The following ZNF638 variants were observed in gnomAD, a reference collection of about 807,000 sequenced individuals.
The protein encoded by ZNF638 is zinc finger protein 638, also known as CTCL tumor antigen se33-1.
In ZNF638, 46 loss-of-function variants were observed where a neutral mutation model predicts 195.6. That is an observed-to-expected ratio of 0.24 (90% CI 0.19 to 0.30). The LOEUF is 0.30. Ranked by LOEUF, ZNF638 falls within the 10% of genes least tolerant of loss-of-function variation. The pLI, the probability that ZNF638 is intolerant of heterozygous loss-of-function variation, is 1.00. For synonymous variants in ZNF638, 845 were observed against 772.0 expected, an observed-to-expected ratio of 1.09 and a Z score of -1.57; for missense variants, 2,440 against 2,325.3, an observed-to-expected ratio of 1.05 and a Z score of -1.01.
chr2:71,356,793 A>ATT (rs1444537433), intron 3 of ZNF638, among the ~76,000 whole-genome samples: 3 of 151,408 alleles, frequency 2.0e-5, no homozygotes, highest in Non-Finnish European at 4.4e-5. Context: ...AAAAAAAAAA[A>ATT]ATTTTTTTTT....
chr2:71,380,591 TC>T (rs759863275), intron 10 of ZNF638, 26 bp downstream of exon 10: 2 of 1,567,774 alleles, frequency 1.3e-6, no homozygotes, highest in Non-Finnish European at 1.7e-6. Flanking sequence ...TAATATTCTT[TC>T]AAATGAGTGT....
chr2:71,411,012 T>TTTTTG (rs1431976503), intron 20 of ZNF638, among the ~76,000 whole-genome samples: 3 of 133,454 alleles, frequency 2.2e-5, no homozygotes, highest in South Asian at 3.0e-4. Context: ...TTTTTTTTTT[T>TTTTTG]GTCGAGATGG....
At chr2:71,419,239 CCTT>C (rs2080369758) in intron 21 of ZNF638, among the ~76,000 whole-genome samples, 2 of 152,186 alleles carry the variant, frequency 1.3e-5, no homozygotes, top group African/African-American at 4.8e-5. Context: ...TGGATATCCT[CCTT>C]ATCACCACCC....
At chr2:71,414,181 A>G (rs2080271496) in intron 20 of ZNF638, among the ~76,000 whole-genome samples, 1 of 106,796 alleles carries the variant, frequency 9.4e-6, no homozygotes, top group Non-Finnish European at 1.8e-5. Context: ...TCAGAGATTC[A>G]ACTTCTTCCT....
intron 1 of ZNF638, among the ~76,000 whole-genome samples, chr2:71,344,078 C>G (rs1490370702): frequency 6.6e-6 from 1 of 152,154 alleles, no homozygotes; most frequent in Non-Finnish European, 1.5e-5. Context: ...TGCAGTGAGC[C>G]AAGATCACGC....
At chr2:71,388,422 C>A in intron 10 of ZNF638, 1 of 679,228 alleles carries the variant, frequency 1.5e-6, no homozygotes, top group Non-Finnish European at 2.7e-6. Flanking sequence ...GGACTGCTCC[C>A]TACAGGCGGG....
At chr2:71,400,696 C>T (rs2079988979) in intron 15 of ZNF638, among the ~76,000 whole-genome samples, 178 bp downstream of exon 15, 1 of 152,058 alleles carries the variant, frequency 6.6e-6, no homozygotes, top group Non-Finnish European at 1.5e-5. Flanking sequence ...GATTTTAGCT[C>T]AAAAACCCTG....
In ZNF638 at chr2:71,432,237, G is replaced by A. The variant is rs574593930; in HGVS notation, c.5752+809G>A. Among the ~76,000 whole-genome samples, 10 of 152,272 alleles carry A rather than the reference G, an allele frequency of 6.6e-5. 1 individual carries two copies. The South Asian group carries it at 2.1e-3, about 32-fold the overall frequency. On this transcript the variant is annotated intron_variant, in intron 26 of 27. Coordinates refer to ENST00000264447, the MANE Select transcript of ZNF638 (RefSeq NM_014497.5). Reference sequence around the variant, plus strand: ...TTATTTTGAGACAGGGTCTCATTCTGTCAGCCAGGCTGGAGTGCAGTGATG... The same window carrying A: ...TTATTTTGAGACAGGGTCTCATTCTATCAGCCAGGCTGGAGTGCAGTGATG...
rs1378609031 is a variant in ZNF638, at chr2:71,405,617, C to A, written c.2975C>A (p.Thr992Asn). 6.4e-7 allele frequency: 1 copy of A among 1,571,692 alleles called. No homozygotes were observed. Residue 992 changes from threonine (T) to asparagine (N), a missense_variant, in exon 18 of 28, where the codon ACC becomes AAC. This residue lies in a region of ZNF638 where 1,883 missense variants were observed against 1,739.1 expected (regional missense o/e 1.08). Coordinates refer to ENST00000264447, the MANE Select transcript of ZNF638 (RefSeq NM_014497.5). ...NIKDEEAIFI[T>N]LVKENDPEAN... ...GCTTTTTAGGAAGCTATATTTATAA[C>A]CTTGGTAAAAGAAAATGACCCAGAG...
intron 1 of ZNF638, among the ~76,000 whole-genome samples, chr2:71,342,218 C>CAA (rs70959232): frequency 0.078 from 7,755 of 99,200 alleles, 937 homozygotes; most frequent in East Asian, 0.47. Context: ...GACTCTGTCT[C>CAA]AAAAAAAAAA....
At chr2:71,331,933 G>GGCGGAGGCCGGCGGA (rs2078576103) in intron 1 of ZNF638, 58 bp downstream of exon 1, 6 of 986,102 alleles carry the variant, frequency 6.1e-6, no homozygotes, top group Non-Finnish European at 7.2e-6. Context: ...GGTATCGTGG[G>GGCGGAGGCCGGCGGA]GGTCCTGAGC....
At position 71,339,083 on chromosome 2, in the gene ZNF638, C is replaced by T. The variant is rs147139345; in HGVS notation, c.-203+7208C>T. ...TTTGTTTAACACAAAAGATGGCATA[C>T]TGTATGCTCATCTGCACTTGTAAAG... On this transcript the variant is annotated intron_variant, in intron 1 of 27. Coordinates refer to ENST00000264447, the MANE Select transcript of ZNF638 (RefSeq NM_014497.5). 2.0e-5 allele frequency among the ~76,000 whole-genome samples: 3 copies of T among 150,844 alleles called. No individual in the cohort carries two copies. In the East Asian group the frequency reaches 5.8e-4, roughly 29 times the overall value.
At chr2:71,363,411 CATT>C (rs1261163199) in intron 4 of ZNF638, among the ~76,000 whole-genome samples, 2 of 149,506 alleles carry the variant, frequency 1.3e-5, no homozygotes, top group African/African-American at 2.4e-5. Context: ...TTTATTCTGA[CATT>C]ATTATTTTAT....
chr2:71,433,332 G>C (rs750770022), intron 27 of ZNF638, 49 bp downstream of exon 27: 3 of 1,326,418 alleles, frequency 2.3e-6, no homozygotes, highest in Non-Finnish European at 3.3e-6. Context: ...TATTGTCTTA[G>C]AATCAAATTA....
chr2:71,349,098 A>C lies in ZNF638; in HGVS notation c.144A>C (p.Ala48=). The change falls in exon 2 of 28, where the codon GCA becomes GCC. Residue 48 remains alanine, a synonymous_variant. Transcript: ENST00000264447. ...GLPRFYPAGR[A]RGIPHRFAGH... ...CAAGATTTTACCCAGCAGGGAGAGCACGTGGAATTCCACACAGATTTGCTG... is the reference window on the plus strand; with the variant it reads ...CAAGATTTTACCCAGCAGGGAGAGCCCGTGGAATTCCACACAGATTTGCTG... The C allele has an allele frequency of 1.2e-6, 2 of 1,614,230 alleles. No individual in the cohort carries two copies. The highest frequency in any genetic ancestry group is 1.7e-6 in the Non-Finnish European group (2 of 1,180,042).
chr2:71,382,176 A>G lies in ZNF638; in HGVS notation c.2377+1611A>G, dbSNP rs1269524761. On this transcript the variant is annotated intron_variant, in intron 10 of 27. Transcript: ENST00000264447. ...TATTGATTACAATTGGAAAACTCAC[A>G]GTGGTGCCTTTGAATTTGGGGTTAG... Among the ~76,000 whole-genome samples, 4 of 152,182 alleles carry G rather than the reference A, an allele frequency of 2.6e-5. No individual in the cohort carries two copies. In the East Asian group the frequency reaches 7.7e-4, roughly 29 times the overall value.
chr2:71,333,884 G>GT (rs2078617244), intron 1 of ZNF638, among the ~76,000 whole-genome samples: 1 of 152,146 alleles, frequency 6.6e-6, no homozygotes, highest in Non-Finnish European at 1.5e-5. Flanking sequence ...AATGTTAGCT[G>GT]TTACTTGTAT....
chr2:71,408,092 C>T, intron 19 of ZNF638, 30 bp from the exon 20 acceptor site: 1 of 1,586,338 alleles, frequency 6.3e-7, no homozygotes, highest in Non-Finnish European at 8.6e-7. Flanking sequence ...TTTTAAAGAA[C>T]TATTCATAAC....
intron 2 of ZNF638, among the ~76,000 whole-genome samples, chr2:71,353,437 T>C (rs1412495982): frequency 6.6e-6 from 1 of 152,230 alleles, no homozygotes; most frequent in Non-Finnish European, 1.5e-5. Flanking sequence ...TTCTGTGCAG[T>C]CCTTGCAGCA....
Sources: allele counts gnomAD v4.1 joint callset (sites outside exome capture counted in the v4.1 genomes callset), GRCh38; gene constraint gnomAD v4.1.1; regional missense constraint gnomAD v4.1.1; transcripts MANE v1.5; gene names NCBI Gene and HGNC (gene_info 2026-07-23, HGNC 2026-07-21).